PIK3C2B: variants seen among roughly 807,000 people sequenced by gnomAD.
PIK3C2B encodes phosphatidylinositol-4-phosphate 3-kinase catalytic subunit type 2 beta.
A neutral mutation model predicts 184.3 loss-of-function variants in PIK3C2B; 83 were observed. The observed-to-expected ratio is 0.45, with a 90% CI of 0.38 to 0.54. The LOEUF is 0.54. PIK3C2B is among the 20% of genes least tolerant of loss of function. PIK3C2B has a pLI of 0.00. For missense variants in PIK3C2B, 1,736 were observed against 2,113.5 expected (o/e 0.82, Z 3.50); for synonymous variants, 779 against 837.6 (o/e 0.93, Z 1.21).
At chr1:204,445,595 C>A (rs1486167808) in intron 16 of PIK3C2B, among the ~76,000 whole-genome samples, 1 of 91,514 alleles carries the variant, frequency 1.1e-5, no homozygotes, top group Non-Finnish European at 2.4e-5. Flanking sequence ...GAGCAAGACC[C>A]TGTCTCAAAA....
chr1:204,443,393 T>G (rs762634811), intron 19 of PIK3C2B, 24 bp downstream of exon 19: 1 of 1,601,492 alleles, frequency 6.2e-7, no homozygotes, highest in Admixed American at 1.7e-5. Flanking sequence ...GAGAAATGGG[T>G]AGGGGCAGCC....
intron 1 of PIK3C2B, among the ~76,000 whole-genome samples, chr1:204,487,932 C>T (rs1558289243): frequency 1.3e-5 from 2 of 152,164 alleles, no homozygotes; most frequent in Non-Finnish European, 2.9e-5. Flanking sequence ...GAATTTAGCA[C>T]AAACCTGCTA....
chr1:204,424,950 G>A lies in PIK3C2B; in HGVS notation c.4807C>T (p.Leu1603Phe), dbSNP rs139295851. 2.5e-6 allele frequency: 4 copies of A among 1,614,078 alleles called. No individual in the cohort carries two copies. Among genetic ancestry groups the A allele is most frequent in the African/African-American group, 1.3e-5 (1 of 74,944 alleles). The change falls in exon 33 of 33, where the codon CTC becomes TTC. Residue 1603 changes from leucine to phenylalanine, a missense_variant. Coordinates refer to ENST00000684373, the MANE Select transcript of PIK3C2B (RefSeq NM_001377334.1). ...LSEQGFWENVLLGEVNIRLRE... is the reference protein window; with the variant it reads ...LSEQGFWENVFLGEVNIRLRE... The stretch of plus-strand genomic sequence containing the variant: ...AGGCGGATGTTCACCTCACCGAGGA[G>A]GACGTTCTCCCAGAATCCCTGCTCA...
chr1:204,492,783 G>A (rs1018449815), intron 1 of PIK3C2B, among the ~76,000 whole-genome samples: 6 of 152,142 alleles, frequency 3.9e-5, no homozygotes, highest in Non-Finnish European at 5.9e-5. Context: ...ACAAGCAGCC[G>A]GGTCTGAGAG....
intron 1 of PIK3C2B, among the ~76,000 whole-genome samples, chr1:204,481,338 G>A (rs1250773803): frequency 2.9e-5 from 4 of 139,528 alleles, no homozygotes; most frequent in African/African-American, 5.4e-5. Context: ...CGTGATCTCC[G>A]CTCACTGCAA....
chr1:204,440,788 T>TA (rs1491102652), intron 21 of PIK3C2B, among the ~76,000 whole-genome samples: 25 of 148,714 alleles, frequency 1.7e-4, no homozygotes, highest in African/African-American at 5.9e-4. Flanking sequence ...TATATATATA[T>TA]TTTTAGTAGA....
chr1:204,460,886 G>A (rs561569576), intron 5 of PIK3C2B, among the ~76,000 whole-genome samples: 9 of 152,244 alleles, frequency 5.9e-5, no homozygotes, highest in Admixed American at 1.3e-4. Context: ...ATCCTTGGCC[G>A]GTATAAATAT....
chr1:204,445,206 G>GAAA (rs771864314), intron 16 of PIK3C2B, among the ~76,000 whole-genome samples: 77 of 118,006 alleles, frequency 6.5e-4, no homozygotes, highest in East Asian at 2.6e-3. Flanking sequence ...TGCCCCAAAA[G>GAAA]AAAAAAAAAA....
At chr1:204,434,410 T>C in intron 24 of PIK3C2B, 29 bp downstream of exon 24, 6 of 1,610,138 alleles carry the variant, frequency 3.7e-6, no homozygotes, top group Non-Finnish European at 5.1e-6. Flanking sequence ...TGCCCTTCAC[T>C]CACAATCTGG....
In PIK3C2B at chr1:204,454,511, A is replaced by AGTG. The variant is rs1654657077; in HGVS notation, c.2066+155_2066+157dup. The AGTG allele has an allele frequency of 6.5e-6, 4 of 613,886 alleles. No homozygotes were observed. The Admixed American group carries it at 1.1e-4, about 17-fold the overall frequency. 38.0% of individuals were successfully genotyped at this position (613,886 alleles called of 1,614,324 possible). A position where few individuals can be genotyped will look rare whatever the true frequency, so the allele number is the denominator to read the frequency against. On this transcript the variant is annotated intron_variant, in intron 12 of 32. Transcript: ENST00000684373. ...AAAAAAAAAAAAAAAGAGTCAGGGA[A>AGTG]GTGGAGACTCAAGAGGTTGAATGAC...
intron 12 of PIK3C2B, among the ~76,000 whole-genome samples, chr1:204,452,288 C>CTTTTTTTTTTTTT (rs71145086): frequency 8.4e-5 from 6 of 71,050 alleles, no homozygotes; most frequent in Admixed American, 2.3e-4. Flanking sequence ...GTGCAGCACC[C>CTTTTTTTTTTTTT]TTTTTTTTTT....
chr1:204,481,464 A>G (rs1657140255), intron 1 of PIK3C2B, among the ~76,000 whole-genome samples: 1 of 151,916 alleles, frequency 6.6e-6, no homozygotes, highest in Non-Finnish European at 1.5e-5. Context: ...TCATCATGTT[A>G]GCCAGGATGG....
chr1:204,424,831 T>TGGG lies in PIK3C2B; in HGVS notation c.*18_*20dup. 6.2e-7 allele frequency: 1 copy of TGGG among 1,612,010 alleles called. No homozygotes were observed. Among genetic ancestry groups the TGGG allele is most frequent in the Non-Finnish European group, 8.5e-7 (1 of 1,178,252 alleles). On this transcript the variant is annotated 3_prime_UTR_variant, in exon 33 of 33. Coordinates refer to ENST00000684373, the MANE Select transcript of PIK3C2B (RefSeq NM_001377334.1). Reference sequence around the variant, plus strand: ...AGCTCCTGCCACCAGCCTGGGATGCTGGGTGGTGGCTCTGCTGGGCTCACA... The same window carrying TGGG: ...AGCTCCTGCCACCAGCCTGGGATGCTGGGGGGTGGTGGCTCTGCTGGGCTCACA...
chr1:204,481,213 C>G (rs16853822), intron 1 of PIK3C2B, among the ~76,000 whole-genome samples: 26,190 of 150,778 alleles, frequency 0.17, 2,509 homozygotes, highest in East Asian at 0.38. Context: ...CACTCCCTCA[C>G]CAGCTCTCCC....
rs529378571 is a variant in PIK3C2B, at chr1:204,491,651, G to A, written c.-85+2705C>T. On this transcript the variant is annotated intron_variant, in intron 1 of 32. Coordinates refer to ENST00000684373, the MANE Select transcript of PIK3C2B (RefSeq NM_001377334.1). Reference sequence around the variant, plus strand: ...CACTCCAGCCTAGGCAACAGGGAGAGACCCTGTCTCAAGAACAAACAAAAA... The same window carrying A: ...CACTCCAGCCTAGGCAACAGGGAGAAACCCTGTCTCAAGAACAAACAAAAA... Among the ~76,000 whole-genome samples the A allele has an allele frequency of 3.9e-5, 6 of 152,346 alleles. No homozygotes were observed. The South Asian group carries it at 1.2e-3, about 32-fold the overall frequency.
intron 3 of PIK3C2B, 50 bp downstream of exon 3, chr1:204,465,169 C>CCCCCACCCCCCAAG: frequency 1.3e-6 from 1 of 760,066 alleles, no homozygotes. Context: ...TGGCCCCCCT[C>CCCCCACCCCCCAAG]CCCATCCCCC....
intron 1 of PIK3C2B, among the ~76,000 whole-genome samples, chr1:204,493,524 AACACAC>A (rs3038310): frequency 4.2e-4 from 61 of 143,992 alleles, no homozygotes; most frequent in South Asian, 1.1e-3. Context: ...AATGGCAGAA[AACACAC>A]ACACACACAC....
Position 204,432,710 on chromosome 1 carries a change from A to G in PIK3C2B, c.3954-309T>C, listed in dbSNP as rs112932115. On this transcript the variant is annotated intron_variant, in intron 26 of 32. Coordinates refer to ENST00000684373, the MANE Select transcript of PIK3C2B (RefSeq NM_001377334.1). Reference sequence around the variant, plus strand: ...AAATGTCTAAATATCAAAAAATTTCAAGGTTCATTACAATAGAACCTCACC... The same window carrying G: ...AAATGTCTAAATATCAAAAAATTTCGAGGTTCATTACAATAGAACCTCACC... Among the ~76,000 whole-genome samples, 343 of 152,294 alleles carry G rather than the reference A, an allele frequency of 2.3e-3. 3 individuals carry two copies. The highest frequency in any genetic ancestry group is 7.8e-3 in the African/African-American group (324 of 41,552).
Position 204,443,542 on chromosome 1 carries a change from G to A in PIK3C2B, c.2923C>T (p.Leu975=), listed in dbSNP as rs1210932059. Residue 975 remains leucine, a synonymous_variant, in exon 19 of 33, where the codon CTG becomes TTG. Transcript: ENST00000684373. ...CCACAGCAGCACAGTAAGGCTGCCA[G>A]CAGATACTGGTAGCGGATGCTGAAC... The part of the protein sequence containing the change: ...SQFSIRYQYL[L]AALLCCCGKG... 1 of 1,614,068 alleles carries A rather than the reference G, an allele frequency of 6.2e-7. No homozygotes were observed. Among genetic ancestry groups the A allele is most frequent in the African/African-American group, 1.3e-5 (1 of 74,940 alleles).
Sources: allele counts gnomAD v4.1 joint callset (sites outside exome capture counted in the v4.1 genomes callset), GRCh38; gene constraint gnomAD v4.1.1; transcripts MANE v1.5; gene names NCBI Gene and HGNC (gene_info 2026-07-23, HGNC 2026-07-21).